Variants in MRPL50 observed in about 807,000 individuals in gnomAD.
The protein encoded by MRPL50 is mitochondrial ribosomal protein L50, also known as large ribosomal subunit protein mL50.
A neutral mutation model predicts 16.2 loss-of-function variants in MRPL50; 10 were observed. That is an observed-to-expected ratio of 0.62 (90% CI 0.38 to 1.05). MRPL50 has a LOEUF of 1.05. Ranked by LOEUF, MRPL50 falls within the 50% of genes least tolerant of loss-of-function variation. MRPL50 has a pLI of 0.01. For missense variants in MRPL50, 213 were observed against 187.1 expected, an observed-to-expected ratio of 1.14 and a Z score of -0.81; for synonymous variants, 68 against 66.8, an observed-to-expected ratio of 1.02 and a Z score of -0.09.
chr9:101,390,288 C>T lies in MRPL50; in HGVS notation c.*178G>A, dbSNP rs547537344. On this transcript the variant is annotated 3_prime_UTR_variant, in exon 2 of 2. Transcript: ENST00000374865. ...TCAGCAAATATGAAAATAGAAAGTCCGTTATTTGTCCATTTGTAATATGAG... is the reference window on the plus strand; with the variant it reads ...TCAGCAAATATGAAAATAGAAAGTCTGTTATTTGTCCATTTGTAATATGAG... 1.7e-4 allele frequency: 218 copies of T among 1,298,706 alleles called. No homozygotes were observed. Among genetic ancestry groups the T allele is most frequent in the African/African-American group, 3.5e-4 (23 of 65,096 alleles). The allele number at this position is 1,298,706 out of a possible 1,614,324, so 80.4% of individuals were successfully genotyped here.
intron 1 of MRPL50, among the ~76,000 whole-genome samples, chr9:101,397,048 T>C (rs1205195655): frequency 6.6e-6 from 1 of 152,220 alleles, no homozygotes; most frequent in Non-Finnish European, 1.5e-5. Context: ...ATTTAAATTA[T>C]GTAGAATGAA....
In MRPL50 at chr9:101,389,461, A is replaced by C; in HGVS notation, c.*1005T>G. ...ATTCCAGAATTTATATTCCCAACTG[A>C]ATTTTGCCCTCTTCAAAGGAGTAAC... On this transcript the variant is annotated 3_prime_UTR_variant, in exon 2 of 2. Coordinates refer to ENST00000374865, the MANE Select transcript of MRPL50 (RefSeq NM_019051.3). 6 of 1,287,598 alleles carry C rather than the reference A, an allele frequency of 4.7e-6. No individual in the cohort carries two copies. In the South Asian group the frequency reaches 7.4e-5, roughly 16 times the overall value. 79.8% of individuals were successfully genotyped at this position (1,287,598 alleles called of 1,614,324 possible).
At position 101,390,303 on chromosome 9, in the gene MRPL50, T is replaced by C. The variant is rs1830252234; in HGVS notation, c.*163A>G. On this transcript the variant is annotated 3_prime_UTR_variant, in exon 2 of 2. Transcript: ENST00000374865. The stretch of plus-strand genomic sequence containing the variant: ...ATAGAAAGTCCGTTATTTGTCCATT[T>C]GTAATATGAGAAAAAAAAAGATGAT... The C allele has an allele frequency of 7.5e-7, 1 of 1,328,996 alleles. No individual in the cohort carries two copies. Among genetic ancestry groups the C allele is most frequent in the African/African-American group, 1.5e-5 (1 of 66,018 alleles). 82.3% of individuals were successfully genotyped at this position (1,328,996 alleles called of 1,614,324 possible). A position where few individuals can be genotyped will look rare whatever the true frequency, so the allele number is the denominator to read the frequency against.
intron 1 of MRPL50, among the ~76,000 whole-genome samples, chr9:101,397,281 T>C (rs977127012): frequency 7.2e-5 from 11 of 152,136 alleles, no homozygotes; most frequent in Admixed American, 2.0e-4. Context: ...TGCAACATAG[T>C]GAGAACTCCT....
At chr9:101,393,119 A>G (rs1017648470) in intron 1 of MRPL50, among the ~76,000 whole-genome samples, 6 of 152,226 alleles carry the variant, frequency 3.9e-5, no homozygotes, top group African/African-American at 1.4e-4. Flanking sequence ...GATCATTTCA[A>G]TAGATGCTGA....
intron 1 of MRPL50, among the ~76,000 whole-genome samples, chr9:101,394,093 T>C (rs1278515354): frequency 6.6e-6 from 1 of 151,870 alleles, no homozygotes; most frequent in East Asian, 1.9e-4. Context: ...AAACTAACCT[T>C]GGGAAGGAAA....
chr9:101,393,337 C>G (rs1229435119), intron 1 of MRPL50, among the ~76,000 whole-genome samples: 2 of 152,082 alleles, frequency 1.3e-5, no homozygotes, highest in South Asian at 2.1e-4. Context: ...ACTTTCATCA[C>G]TTGTATTCAA....
At position 101,390,815 on chromosome 9, in the gene MRPL50, T is replaced by C; in HGVS notation, c.128A>G (p.Glu43Gly). 6.2e-7 allele frequency: 1 copy of C among 1,608,100 alleles called. No homozygotes were observed. The highest frequency in any genetic ancestry group is 8.5e-7 in the Non-Finnish European group (1 of 1,177,944). ...CACTAGGATAGGTTCCTTTTTCTCT[T>C]CTACTGTCTCAACAACCACTGGCTC... The part of the protein sequence containing the change: ...EKEPVVVETV[E>G]EKKEPILVCP... The change falls in exon 2 of 2, where the codon GAA becomes GGA. Residue 43 changes from glutamate to glycine, a missense_variant. By Grantham distance (98) the Glu-to-Gly change is moderately conservative. Coordinates refer to ENST00000374865, the MANE Select transcript of MRPL50 (RefSeq NM_019051.3).
rs1346145068 is a variant in MRPL50, at chr9:101,387,848, CAT to C, written c.*2616_*2617del. On this transcript the variant is annotated 3_prime_UTR_variant, in exon 2 of 2. Transcript: ENST00000374865. ...AAATGTAAACCCTTTAAAATTACAT[CAT>C]ATGTCTGATTATCTCATTAAACAAG... 1 of 152,044 alleles carries C rather than the reference CAT, an allele frequency of 6.6e-6. No individual in the cohort carries two copies. Among genetic ancestry groups the C allele is most frequent in the Non-Finnish European group, 1.5e-5 (1 of 67,990 alleles). The allele number at this position is 152,044 out of a possible 1,614,324, so 9.4% of individuals were successfully genotyped here.
Position 101,389,848 on chromosome 9 carries a change from G to T in MRPL50, c.*618C>A. Reference sequence around the variant, plus strand: ...AATCTGGCACATCTCTTATGAGGAAGAGTCACAGCACTCAATATTTGGCAT... The same window carrying T: ...AATCTGGCACATCTCTTATGAGGAATAGTCACAGCACTCAATATTTGGCAT... On this transcript the variant is annotated 3_prime_UTR_variant, in exon 2 of 2. Coordinates refer to ENST00000374865, the MANE Select transcript of MRPL50 (RefSeq NM_019051.3). 8.1e-6 allele frequency: 2 copies of T among 247,246 alleles called. No individual in the cohort carries two copies. The highest frequency in any genetic ancestry group is 1.3e-5 in the Non-Finnish European group (2 of 154,130). The allele number at this position is 247,246 out of a possible 1,614,324, so 15.3% of individuals were successfully genotyped here. A position where few individuals can be genotyped will look rare whatever the true frequency, so the allele number is the denominator to read the frequency against.
intron 1 of MRPL50, among the ~76,000 whole-genome samples, chr9:101,393,953 A>T (rs1830306191): frequency 6.7e-6 from 1 of 149,546 alleles, no homozygotes; most frequent in Admixed American, 6.7e-5. Flanking sequence ...TTCGTATGAA[A>T]CCACAAAATG....
In MRPL50 at chr9:101,398,571, C is replaced by T. The variant is rs1206216110; in HGVS notation, c.22G>A (p.Gly8Ser). 3.1e-6 allele frequency: 5 copies of T among 1,613,902 alleles called. No homozygotes were observed. Among genetic ancestry groups the T allele is most frequent in the Non-Finnish European group, 4.2e-6 (5 of 1,180,032 alleles). ...CACATGAAGACTCTTCTGGTAATGC[C>T]CGACACAGATCGCGCCGCCATCTTC... MAARSVS[G>S]ITRRVFMWTV... Residue 8 changes from glycine (G) to serine (S), a missense_variant, in exon 1 of 2, where the codon GGC (glycine) becomes AGC (serine). Transcript: ENST00000374865.
At chr9:101,394,084 A>C (rs571174268) in intron 1 of MRPL50, among the ~76,000 whole-genome samples, 1 of 152,280 alleles carries the variant, frequency 6.6e-6, no homozygotes, top group African/African-American at 2.4e-5. Flanking sequence ...GCATAGGCCA[A>C]ACTAACCTTG....
chr9:101,393,693 A>T (rs1830302350), intron 1 of MRPL50, among the ~76,000 whole-genome samples: 1 of 152,074 alleles, frequency 6.6e-6, no homozygotes, highest in African/African-American at 2.4e-5. Context: ...CATTAACAAT[A>T]GCCACACACA....
chr9:101,394,630 C>T (rs1256365442), intron 1 of MRPL50, among the ~76,000 whole-genome samples: 1 of 152,174 alleles, frequency 6.6e-6, no homozygotes, highest in Non-Finnish European at 1.5e-5. Flanking sequence ...AATTCCTCTG[C>T]CTTGATACAT....
intron 1 of MRPL50, among the ~76,000 whole-genome samples, chr9:101,395,030 A>C (rs1830322274): frequency 6.6e-6 from 1 of 152,184 alleles, no homozygotes; most frequent in African/African-American, 2.4e-5. Context: ...CAAACTATCC[A>C]ACAAGGGATT....
At position 101,388,453 on chromosome 9, in the gene MRPL50, T is replaced by G. The variant is rs1209888651; in HGVS notation, c.*2013A>C. On this transcript the variant is annotated 3_prime_UTR_variant, in exon 2 of 2. Coordinates refer to ENST00000374865, the MANE Select transcript of MRPL50 (RefSeq NM_019051.3). ...AAATGAGATAATGAAATCCTGTACATAAAATTCCAATGATTCCATGCTGAA... is the reference window on the plus strand; with the variant it reads ...AAATGAGATAATGAAATCCTGTACAGAAAATTCCAATGATTCCATGCTGAA... 1 of 152,086 alleles carries G rather than the reference T, an allele frequency of 6.6e-6. No individual in the cohort carries two copies. The highest frequency in any genetic ancestry group is 2.4e-5 in the African/African-American group (1 of 41,412). 9.4% of individuals were successfully genotyped at this position (152,086 alleles called of 1,614,324 possible). A position where few individuals can be genotyped will look rare whatever the true frequency, so the allele number is the denominator to read the frequency against.
chr9:101,391,824 T>C (rs1243859896), intron 1 of MRPL50, among the ~76,000 whole-genome samples: 1 of 151,996 alleles, frequency 6.6e-6, no homozygotes, highest in Admixed American at 6.6e-5. Flanking sequence ...CTACACCAAA[T>C]GGACTTGACA....
In MRPL50 at chr9:101,388,907, T is replaced by C. The variant is rs1213528629; in HGVS notation, c.*1559A>G. 1 of 152,112 alleles carries C rather than the reference T, an allele frequency of 6.6e-6. No homozygotes were observed. Among genetic ancestry groups the C allele is most frequent in the African/African-American group, 2.4e-5 (1 of 41,450 alleles). The allele number at this position is 152,112 out of a possible 1,614,324, so 9.4% of individuals were successfully genotyped here. Reference sequence around the variant, plus strand: ...ATTTACATTGTATTCACTATTTACATAGCTACTTACATTGTATTCACAATT... The same window carrying C: ...ATTTACATTGTATTCACTATTTACACAGCTACTTACATTGTATTCACAATT... On this transcript the variant is annotated 3_prime_UTR_variant, in exon 2 of 2. Coordinates refer to ENST00000374865, the MANE Select transcript of MRPL50 (RefSeq NM_019051.3).
Sources: gnomAD v4.1 joint callset for allele counts (sites outside exome capture counted in the v4.1 genomes callset) on GRCh38, gnomAD v4.1.1 for gene constraint, MANE v1.5 for transcripts, NCBI Gene and HGNC (gene_info 2026-07-23, HGNC 2026-07-21) for gene names.